LOC400499: variants seen among roughly 807,000 people sequenced by gnomAD.
chr16:11,474,747 T>C, the LOC400499 span, among the ~76,000 whole-genome samples: 4 of 150,886 alleles, frequency 2.7e-5, no homozygotes, highest in Admixed American at 2.0e-4. Context: ...TGAGTGCCTG[T>C]AGTCCCAGCT....
At chr16:11,379,940 C>G in the LOC400499 span, among the ~76,000 whole-genome samples, 1 of 152,126 alleles carries the variant, frequency 6.6e-6, no homozygotes, top group African/African-American at 2.4e-5. Context: ...TGTCCCCCTC[C>G]TATGTTGTTG....
the LOC400499 span, chr16:11,446,880 G>A: frequency 2.5e-5 from 38 of 1,535,898 alleles, no homozygotes; most frequent in Middle Eastern, 3.4e-4. Context: ...GCAGGAGGAG[G>A]CTCTGCGGGA....
chr16:11,448,659 C>G, the LOC400499 span, among the ~76,000 whole-genome samples: 1 of 151,960 alleles, frequency 6.6e-6, no homozygotes, highest in South Asian at 2.1e-4. Context: ...CCCAGACATT[C>G]GAGGCTGCAG....
chr16:11,385,650 C>A, the LOC400499 span, among the ~76,000 whole-genome samples: 20 of 152,356 alleles, frequency 1.3e-4, no homozygotes, highest in East Asian at 2.7e-3. Flanking sequence ...GAAAGGAGTC[C>A]TGAGACCTGC....
At chr16:11,448,980 C>T in the LOC400499 span, 2 of 1,506,958 alleles carry the variant, frequency 1.3e-6, no homozygotes, top group South Asian at 2.4e-5. Flanking sequence ...TTTCAACCAG[C>T]AGTTCAGGAT....
chr16:11,516,014 C>T, the LOC400499 span: 1 of 399,696 alleles, frequency 2.5e-6, no homozygotes, highest in African/African-American at 2.1e-5. Flanking sequence ...CTTGTGTAGC[C>T]AGTCCCCATG....
the LOC400499 span, among the ~76,000 whole-genome samples, chr16:11,388,567 G>C: frequency 3.9e-5 from 6 of 152,120 alleles, no homozygotes; most frequent in Non-Finnish European, 8.8e-5. Flanking sequence ...AGGATACTGG[G>C]TCCCCAGGTC....
chr16:11,391,557 A>C, the LOC400499 span: 1 of 980,666 alleles, frequency 1.0e-6, no homozygotes, highest in East Asian at 3.3e-5. Context: ...GCGAGGCCAC[A>C]TTTCTGATTG....
chr16:11,522,936 C>G, the LOC400499 span, among the ~76,000 whole-genome samples: 2 of 152,150 alleles, frequency 1.3e-5, no homozygotes, highest in African/African-American at 4.8e-5. Flanking sequence ...CTATTGAGGC[C>G]AGGGGATCAA....
At chr16:11,486,935 T>C in the LOC400499 span, among the ~76,000 whole-genome samples, 4 of 65,156 alleles carry the variant, frequency 6.1e-5, no homozygotes, top group Non-Finnish European at 2.8e-5. Context: ...GAATGGATGA[T>C]GGGTGGGTGG....
the LOC400499 span, among the ~76,000 whole-genome samples, chr16:11,520,191 AG>A: frequency 6.6e-6 from 1 of 152,200 alleles, no homozygotes; most frequent in Non-Finnish European, 1.5e-5. Flanking sequence ...ACGATGTGAA[AG>A]TACTTAATGC....
the LOC400499 span, among the ~76,000 whole-genome samples, chr16:11,485,483 T>C: frequency 3.3e-5 from 5 of 152,090 alleles, no homozygotes; most frequent in Non-Finnish European, 5.9e-5. Context: ...CGACCTCCCC[T>C]GGATGGGGGG....
chr16:11,505,049 C>T, the LOC400499 span, among the ~76,000 whole-genome samples: 5 of 151,982 alleles, frequency 3.3e-5, no homozygotes, highest in Non-Finnish European at 5.9e-5. Context: ...AGGCAGGGGC[C>T]GGTGGCCGCA....
the LOC400499 span, among the ~76,000 whole-genome samples, chr16:11,384,521 C>T: frequency 6.6e-6 from 1 of 152,180 alleles, no homozygotes; most frequent in Non-Finnish European, 1.5e-5. Context: ...GAAGAGAAAG[C>T]ACAGGGGCTC....
the LOC400499 span, chr16:11,392,290 CCT>C: frequency 0.015 from 6,148 of 398,990 alleles, 168 homozygotes; most frequent in African/African-American, 0.06. Flanking sequence ...TAACCCCTTC[CCT>C]GTGTCCCAGC....
At chr16:11,495,971 G>A in the LOC400499 span, among the ~76,000 whole-genome samples, 33 of 152,166 alleles carry the variant, frequency 2.2e-4, no homozygotes, top group African/African-American at 8.0e-4. Flanking sequence ...CTGGGGCCCT[G>A]GCTGTGAACA....
the LOC400499 span, chr16:11,450,576 C>A: frequency 6.5e-7 from 1 of 1,529,972 alleles, no homozygotes; most frequent in South Asian, 1.2e-5. Context: ...TGGCAGGGGA[C>A]CAGACATATA....
chr16:11,385,032 C>A, the LOC400499 span: 2 of 1,231,996 alleles, frequency 1.6e-6, no homozygotes, highest in East Asian at 3.2e-5. Context: ...GGACAACTGT[C>A]CCCCGGCAGG....
At chr16:11,388,141 C>T in the LOC400499 span, among the ~76,000 whole-genome samples, 2 of 152,086 alleles carry the variant, frequency 1.3e-5, no homozygotes, top group Non-Finnish European at 2.9e-5. Context: ...AACCCAGAGG[C>T]CCTGCAGCTG....
Sources: gnomAD v4.1 joint callset for allele counts (sites outside exome capture counted in the v4.1 genomes callset) on GRCh38, gnomAD v4.1.1 for gene constraint, MANE v1.5 for transcripts.